The following ASH1L variants were observed in gnomAD, a reference collection of about 807,000 sequenced individuals.
ASH1L encodes ASH1 like histone lysine methyltransferase, also known as histone-lysine N-methyltransferase ASH1L.
ASH1L carries 23 observed loss-of-function variants against 269.0 expected under a neutral mutation model. The ratio of observed to expected loss-of-function variants is 0.09; its 90% CI spans 0.06 to 0.12. ASH1L has a LOEUF of 0.12. ASH1L is among the 10% of genes least tolerant of loss of function. The pLI, the probability that ASH1L is intolerant of heterozygous loss-of-function variation, is 1.00. For missense variants in ASH1L, 2,912 were observed against 3,567.8 expected, an observed-to-expected ratio of 0.82 and a Z score of 4.68; for synonymous variants, 1,187 against 1,253.5, an observed-to-expected ratio of 0.95 and a Z score of 1.12.
rs1400307856 is a variant in ASH1L at position 155,343,588 on chromosome 1, G to A, written c.8120+16C>T. On this transcript the variant is annotated intron_variant, in intron 23 of 27. Transcript: ENST00000392403. The surrounding 1 kb of genome is among the most constrained non-coding windows in gnomAD (Gnocchi z 6.1). ...ACAGCACGGCTGGAAGAAAAGGACA[G>A]GACCTCAGCACGTACTTTTCATTCT... The A allele has an allele frequency of 1.9e-6, 3 of 1,613,812 alleles. No homozygotes were observed. Among genetic ancestry groups the A allele is most frequent in the African/African-American group, 1.3e-5 (1 of 74,920 alleles).
In ASH1L at chr1:155,357,262, G is replaced by C. The variant is rs913670556; in HGVS notation, c.7055+54C>G. 1.7e-5 allele frequency: 25 copies of C among 1,428,570 alleles called. No homozygotes were observed. The African/African-American group carries it at 3.4e-4, about 20-fold the overall frequency. The allele number at this position is 1,428,570 out of a possible 1,614,324, so 88.5% of individuals were successfully genotyped here. ...TAGAAGTTTCATAATTTTTTACACAGATAAGCAATCATGTAACTTACAAAG... is the reference window on the plus strand; with the variant it reads ...TAGAAGTTTCATAATTTTTTACACACATAAGCAATCATGTAACTTACAAAG... On this transcript the variant is annotated intron_variant, in intron 15 of 27. Transcript: ENST00000392403.
intron 4 of ASH1L, among the ~76,000 whole-genome samples, chr1:155,442,428 C>A (rs905712722): frequency 6.6e-6 from 1 of 151,776 alleles, no homozygotes; most frequent in Non-Finnish European, 1.5e-5. Context: ...ACTAAAAATA[C>A]AAAAATTAGC....
At chr1:155,357,231 A>T in intron 15 of ASH1L, 85 bp downstream of exon 15, 2 of 1,116,352 alleles carry the variant, frequency 1.8e-6, no homozygotes, top group South Asian at 2.9e-5. Flanking sequence ...AAGTGGATCA[A>T]CAATATAGAA....
At chr1:155,372,474 A>T (rs1656046025) in intron 10 of ASH1L, among the ~76,000 whole-genome samples, 2 of 150,456 alleles carry the variant, frequency 1.3e-5, no homozygotes, top group Non-Finnish European at 3.0e-5. Flanking sequence ...ACGCCCAGCT[A>T]ATTTTCGTAT....
At chr1:155,458,485 C>T (rs1423093969) in intron 4 of ASH1L, among the ~76,000 whole-genome samples, 1 of 152,158 alleles carries the variant, frequency 6.6e-6, no homozygotes, top group Non-Finnish European at 1.5e-5. Context: ...GAGGCTGAGG[C>T]CGGCAGATCA....
At chr1:155,392,646 G>T (rs1257182483) in intron 7 of ASH1L, among the ~76,000 whole-genome samples, 2 of 151,948 alleles carry the variant, frequency 1.3e-5, no homozygotes, top group Non-Finnish European at 2.9e-5. Context: ...ACACCATTAT[G>T]TCCAGCTAAT....
At chr1:155,527,228 A>G (rs1008660868) in intron 1 of ASH1L, among the ~76,000 whole-genome samples, 5 of 151,932 alleles carry the variant, frequency 3.3e-5, no homozygotes, top group African/African-American at 1.2e-4. Context: ...AAAAAAAAAA[A>G]TTCCTCTTGA....
intron 1 of ASH1L, 98 bp from the exon 2 acceptor site, chr1:155,521,716 C>T: frequency 2.2e-6 from 1 of 453,984 alleles, no homozygotes; most frequent in South Asian, 6.3e-5. Context: ...TCAACAACTA[C>T]CCAAAAAAAA....
At chr1:155,381,126 C>T (rs974580014) in intron 7 of ASH1L, among the ~76,000 whole-genome samples, 14 of 152,056 alleles carry the variant, frequency 9.2e-5, no homozygotes, top group African/African-American at 3.4e-4. Flanking sequence ...ACCTATAGCG[C>T]TACCAGTTGA....
intron 12 of ASH1L, among the ~76,000 whole-genome samples, chr1:155,366,696 C>T (rs949868169): frequency 1.5e-4 from 23 of 152,124 alleles, no homozygotes; most frequent in Non-Finnish European, 2.4e-4. Flanking sequence ...TATTTTGACA[C>T]GGAGTCTTGG....
chr1:155,371,094 T>A, intron 10 of ASH1L, 111 bp from the exon 11 acceptor site: 2 of 838,114 alleles, frequency 2.4e-6, no homozygotes, highest in Non-Finnish European at 3.7e-6. Flanking sequence ...CAATTTTTAT[T>A]TAATAAAAGT....
intron 2 of ASH1L, among the ~76,000 whole-genome samples, chr1:155,492,538 C>T (rs1666878840): frequency 6.6e-6 from 1 of 151,808 alleles, no homozygotes; most frequent in African/African-American, 2.4e-5. Context: ...GCTCATTGTT[C>T]TAAGAACATT....
Position 155,375,647 on chromosome 1 carries a change from G to A in ASH1L, c.6332+2634C>T, listed in dbSNP as rs564794966. ...ACTAAAAATACAAAAATTATTAGCC[G>A]GGTGCAGTGGCAGGTGCCTGTAAAT... is the stretch of plus-strand genomic sequence containing the variant. On this transcript the variant is annotated intron_variant, in intron 10 of 27. Coordinates refer to ENST00000392403, the MANE Select transcript of ASH1L (RefSeq NM_018489.3). Among the ~76,000 whole-genome samples, 5 of 152,130 alleles carry A rather than the reference G, an allele frequency of 3.3e-5. 1 individual carries two copies. Among genetic ancestry groups the A allele is most frequent in the Middle Eastern group, 6.8e-3 (2 of 294 alleles).
At chr1:155,517,393 C>T (rs1391812460) in intron 2 of ASH1L, among the ~76,000 whole-genome samples, 1 of 152,090 alleles carries the variant, frequency 6.6e-6, no homozygotes, top group Non-Finnish European at 1.5e-5. Flanking sequence ...TTATGGGAGG[C>T]CGAGGCAGGC....
chr1:155,532,264 T>C (rs112987844), intron 1 of ASH1L, among the ~76,000 whole-genome samples: 25 of 152,324 alleles, frequency 1.6e-4, no homozygotes, highest in African/African-American at 6.0e-4. Flanking sequence ...CACAAATCAT[T>C]ACAGCATTAA....
At position 155,480,519 on chromosome 1, in the gene ASH1L, T is replaced by A; in HGVS notation, c.2351A>T (p.Lys784Ile). 6.2e-7 allele frequency: 1 copy of A among 1,614,150 alleles called. No individual in the cohort carries two copies. The highest frequency in any genetic ancestry group is 2.2e-5 in the East Asian group (1 of 44,890). ...FLKRRLPKLS[K>I]STAPSLALLA... ...GAGAGCAAGAGATGGAGCTGTGGAT[T>A]TGCTCAACTTTGGCAATCGGCGTTT... The change falls in exon 3 of 28, where the codon AAA (lysine) becomes ATA (isoleucine). Residue 784 changes from lysine to isoleucine, a missense_variant. By Grantham distance (102) the Lys-to-Ile change is moderately radical (BLOSUM62 -3). Transcript: ENST00000392403.
intron 4 of ASH1L, among the ~76,000 whole-genome samples, chr1:155,454,410 C>A (rs760880750): frequency 6.6e-6 from 1 of 152,212 alleles, no homozygotes; most frequent in African/African-American, 2.4e-5. Context: ...AACCTCAATA[C>A]AAAGATTATG....
chr1:155,389,218 G>A (rs1450112645), intron 7 of ASH1L, among the ~76,000 whole-genome samples: 2 of 145,658 alleles, frequency 1.4e-5, no homozygotes, highest in African/African-American at 2.5e-5. Context: ...GGCTGGTCTC[G>A]AACTTCTGAC....
At chr1:155,497,913 C>T (rs1667262719) in intron 2 of ASH1L, among the ~76,000 whole-genome samples, 2 of 151,966 alleles carry the variant, frequency 1.3e-5, no homozygotes, top group African/African-American at 2.4e-5. Flanking sequence ...CCAGGCATGG[C>T]TAATTTTTTT....
Sources: allele counts gnomAD v4.1 joint callset (sites outside exome capture counted in the v4.1 genomes callset), GRCh38; gene constraint gnomAD v4.1.1; non-coding constraint Gnocchi (gnomAD v3.1); transcripts MANE v1.5; gene names NCBI Gene and HGNC (gene_info 2026-07-23, HGNC 2026-07-21).